The following RGS3 variants were observed in gnomAD, a reference collection of about 807,000 sequenced individuals.
RGS3 encodes regulator of G-protein signalling 3.
In RGS3, 80 loss-of-function variants were observed where a neutral mutation model predicts 132.6. That is an observed-to-expected ratio of 0.60 (90% CI 0.50 to 0.73). The LOEUF (loss-of-function observed/expected upper bound fraction) is 0.73, where lower values mean the gene tolerates loss of function less well. RGS3 is among the 30% of genes least tolerant of loss of function. The probability of loss-of-function intolerance (pLI) is 0.00; values close to 1 mark genes in which losing one functional copy is unlikely to be tolerated. For synonymous variants in RGS3, 598 were observed against 620.6 expected, an observed-to-expected ratio of 0.96 and a Z score of 0.54; for missense variants, 1,382 against 1,530.8, an observed-to-expected ratio of 0.90 and a Z score of 1.62.
intron 17 of RGS3, among the ~76,000 whole-genome samples, chr9:113,524,507 G>C (rs943936357): frequency 5.9e-5 from 9 of 152,196 alleles, no homozygotes; most frequent in South Asian, 2.1e-4. Context: ...CGAGAAGGAG[G>C]GAGGGAAGAG....
intron 14 of RGS3, among the ~76,000 whole-genome samples, chr9:113,509,005 G>A (rs1234487283): frequency 6.6e-6 from 1 of 152,160 alleles, no homozygotes; most frequent in Non-Finnish European, 1.5e-5. Flanking sequence ...TGTCTCCTTG[G>A]TCGGGCGTGG....
At chr9:113,520,339 C>T (rs544549581) in intron 16 of RGS3, among the ~76,000 whole-genome samples, 18 of 152,344 alleles carry the variant, frequency 1.2e-4, no homozygotes, top group African/African-American at 3.8e-4. Context: ...AGCTGTGTGC[C>T]AGCTCTGGCC....
At chr9:113,454,792 C>T (rs1413074757) in intron 1 of RGS3, among the ~76,000 whole-genome samples, 12 of 150,962 alleles carry the variant, frequency 7.9e-5, no homozygotes, top group Non-Finnish European at 1.6e-4. Flanking sequence ...CTAATACCTC[C>T]TAAGGAATTA....
chr9:113,597,172 G>A (rs570499229), exon 25 of RGS3: 143 of 495,106 alleles, frequency 2.9e-4, no homozygotes, highest in African/African-American at 2.3e-3. Context: ...GCCCCGGTAC[G>A]AGGGGGCCCA....
At chr9:113,586,094 C>T (rs572008230) in intron 20 of RGS3, among the ~76,000 whole-genome samples, 14 of 152,272 alleles carry the variant, frequency 9.2e-5, no homozygotes, top group Middle Eastern at 6.8e-3. Flanking sequence ...AAACATGCCC[C>T]GAGGGATCAT....
intron 19 of RGS3, among the ~76,000 whole-genome samples, chr9:113,554,214 T>C (rs188052947): frequency 6.6e-6 from 1 of 152,350 alleles, no homozygotes; most frequent in Non-Finnish European, 1.5e-5. Flanking sequence ...TAAAATGGAA[T>C]GTTATTGCTT....
At chr9:113,465,933 C>T (rs938375708) in intron 3 of RGS3, among the ~76,000 whole-genome samples, 1 of 152,186 alleles carries the variant, frequency 6.6e-6, no homozygotes. Context: ...CTCTTTCAGG[C>T]TGCTGATTTT....
Position 113,463,759 on chromosome 9 carries a change from G to A in RGS3, c.415+1558G>A. On this transcript the variant is annotated intron_variant, in intron 3 of 24. Transcript: ENST00000350696. The surrounding 1 kb of genome is among the most constrained non-coding windows in gnomAD (Gnocchi z 4.6). ...CCGGTTACTGGGGAGCAACACAGCCGCCTCGGGTTGCAGACGCTCCTGTCC... is the reference window on the plus strand; with the variant it reads ...CCGGTTACTGGGGAGCAACACAGCCACCTCGGGTTGCAGACGCTCCTGTCC... The A allele has an allele frequency of 5.7e-6, 9 of 1,569,056 alleles. No homozygotes were observed. The highest frequency in any genetic ancestry group is 7.8e-6 in the Non-Finnish European group (9 of 1,159,200).
chr9:113,596,641 A>G, intron 24 of RGS3, 127 bp from the exon 23 acceptor site: 1 of 733,658 alleles, frequency 1.4e-6, no homozygotes, highest in African/African-American at 1.8e-5. Flanking sequence ...TCTACTTCAG[A>G]TGAACCTTAA....
intron 1 of RGS3, among the ~76,000 whole-genome samples, chr9:113,453,830 T>G (rs933658338): frequency 1.3e-5 from 2 of 150,338 alleles, no homozygotes; most frequent in African/African-American, 2.4e-5. Context: ...TCCATGTCTT[T>G]ACTTCACATA....
At chr9:113,536,569 C>T in intron 18 of RGS3, 1 of 1,347,052 alleles carries the variant, frequency 7.4e-7, no homozygotes, top group Non-Finnish European at 9.6e-7. Context: ...CTCCCCTCCC[C>T]CAACCTGTGG....
intron 19 of RGS3, among the ~76,000 whole-genome samples, chr9:113,554,406 A>C (rs554576246): frequency 2.0e-5 from 3 of 152,188 alleles, no homozygotes; most frequent in Non-Finnish European, 4.4e-5. Context: ...TCTGAGTTCA[A>C]GCTATTCTCC....
chr9:113,553,387 G>A (rs539168285), intron 19 of RGS3, among the ~76,000 whole-genome samples: 2 of 135,070 alleles, frequency 1.5e-5, no homozygotes, highest in African/African-American at 2.8e-5. Flanking sequence ...AGGCTGCAGT[G>A]AGCTGTGATC....
chr9:113,476,273 TG>T (rs1192959755), intron 3 of RGS3, among the ~76,000 whole-genome samples: 2 of 150,384 alleles, frequency 1.3e-5, no homozygotes, highest in African/African-American at 2.5e-5. Context: ...AGTGCTGGAG[TG>T]GGGGTAGAGT....
At chr9:113,478,177 C>G (rs899054022) in intron 3 of RGS3, among the ~76,000 whole-genome samples, 1 of 152,098 alleles carries the variant, frequency 6.6e-6, no homozygotes, top group African/African-American at 2.4e-5. Flanking sequence ...CTTCCAGCCC[C>G]GTCCTTCTGT....
chr9:113,451,202 AG>A (rs1357079792), intron 1 of RGS3, among the ~76,000 whole-genome samples: 2 of 151,522 alleles, frequency 1.3e-5, no homozygotes, highest in African/African-American at 2.4e-5. Flanking sequence ...AAAAAAAAAA[AG>A]GTGGGGGCAG....
rs1166616442 is a variant in RGS3, at chr9:113,583,186, A to G, written c.2038-264A>G. On this transcript the variant is annotated intron_variant, in intron 19 of 24. Coordinates refer to ENST00000350696, the Ensembl canonical transcript of RGS3. ...TGGCACCTGCCAAAGCAGGAGCTAG[A>G]TAGATAGTGGTTATCTCTCCCTCTT... 30 of 568,350 alleles carry G rather than the reference A, an allele frequency of 5.3e-5. No individual in the cohort carries two copies. The Admixed American group carries it at 9.3e-4, about 18-fold the overall frequency. 35.2% of individuals were successfully genotyped at this position (568,350 alleles called of 1,614,324 possible). A position where few individuals can be genotyped will look rare whatever the true frequency, so the allele number is the denominator to read the frequency against.
chr9:113,594,042 A>AT (rs752722940), intron 21 of RGS3: 9 of 1,611,824 alleles, frequency 5.6e-6, no homozygotes, highest in Admixed American at 5.0e-5. Context: ...GCCAGAAGGA[A>AT]TTTTTTTTTC....
At chr9:113,574,793 A>G (rs932353351) in intron 19 of RGS3, among the ~76,000 whole-genome samples, 27 of 152,292 alleles carry the variant, frequency 1.8e-4, no homozygotes, top group African/African-American at 5.5e-4. Context: ...GCCGGGTGGG[A>G]AGGGGAGTGA....
Sources: gnomAD v4.1 joint callset for allele counts (sites outside exome capture counted in the v4.1 genomes callset) on GRCh38, gnomAD v4.1.1 for gene constraint, Gnocchi (gnomAD v3.1) non-coding constraint, MANE v1.5 for transcripts, NCBI Gene and HGNC (gene_info 2026-07-23, HGNC 2026-07-21) for gene names.